SPAG16: variants seen among roughly 807,000 people sequenced by gnomAD.
The protein encoded by SPAG16 is sperm-associated antigen 16 protein.
SPAG16 carries 86 observed loss-of-function variants against 80.4 expected under a neutral mutation model. The observed-to-expected ratio is 1.07, with a 90% CI of 0.90 to 1.28. SPAG16 has a LOEUF of 1.28. Among genes scored for constraint, SPAG16 ranks in the 50% most tolerant of loss-of-function variants. SPAG16 has a pLI of 0.00. For missense variants in SPAG16, 870 were observed against 765.3 expected (o/e 1.14, Z -1.61); for synonymous variants, 294 against 265.9 (o/e 1.11, Z -1.03).
chr2:213,889,629 A>G (rs192119597), intron 11 of SPAG16, among the ~76,000 whole-genome samples: 128 of 150,190 alleles, frequency 8.5e-4, no homozygotes, highest in Middle Eastern at 7.0e-3. Context: ...ATATATATAC[A>G]TATACATATA....
intron 11 of SPAG16, among the ~76,000 whole-genome samples, chr2:213,872,842 A>G (rs941645234): frequency 2.6e-5 from 4 of 152,044 alleles, no homozygotes; most frequent in African/African-American, 7.2e-5. Flanking sequence ...TGAAATGATC[A>G]TTTGGTTTTT....
intron 13 of SPAG16, among the ~76,000 whole-genome samples, chr2:214,100,379 A>C (rs2052924573): frequency 6.6e-6 from 1 of 151,936 alleles, no homozygotes; most frequent in East Asian, 1.9e-4. Context: ...CATTTAATTT[A>C]TTTCATTTGT....
At chr2:213,651,724 C>T (rs1281540282) in intron 10 of SPAG16, among the ~76,000 whole-genome samples, 1 of 152,090 alleles carries the variant, frequency 6.6e-6, no homozygotes, top group East Asian at 1.9e-4. Context: ...TTAGTCTAGG[C>T]AAGTCTACAC....
intron 13 of SPAG16, among the ~76,000 whole-genome samples, chr2:214,087,565 T>G (rs1165904180): frequency 1.3e-5 from 2 of 151,560 alleles, no homozygotes; most frequent in Non-Finnish European, 2.9e-5. Flanking sequence ...AAGGAAAGAG[T>G]GGAGGTGGGA....
At chr2:213,507,165 AG>A (rs1238658399) in intron 10 of SPAG16, among the ~76,000 whole-genome samples, 2 of 152,314 alleles carry the variant, frequency 1.3e-5, no homozygotes, top group East Asian at 3.9e-4. Context: ...TGATAATGAA[AG>A]GAGAGGGTTG....
At chr2:213,818,145 C>T (rs2072681339) in intron 10 of SPAG16, among the ~76,000 whole-genome samples, 1 of 152,112 alleles carries the variant, frequency 6.6e-6, no homozygotes, top group Admixed American at 6.6e-5. Context: ...AGATCCCCTC[C>T]ATAGGAATCT....
At chr2:213,764,867 C>A (rs1308541610) in intron 10 of SPAG16, among the ~76,000 whole-genome samples, 1 of 152,080 alleles carries the variant, frequency 6.6e-6, no homozygotes, top group Non-Finnish European at 1.5e-5. Context: ...CACTTTGTTT[C>A]TCAAAGAATG....
chr2:213,807,339 T>C (rs1246543961), intron 10 of SPAG16, among the ~76,000 whole-genome samples: 1 of 152,082 alleles, frequency 6.6e-6, no homozygotes, highest in Non-Finnish European at 1.5e-5. Flanking sequence ...TGTTTTCTTT[T>C]TTTTTTCCCC....
intron 13 of SPAG16, among the ~76,000 whole-genome samples, chr2:214,079,225 C>T (rs1305415777): frequency 6.6e-6 from 1 of 151,844 alleles, no homozygotes; most frequent in African/African-American, 2.4e-5. Flanking sequence ...CCCACCTCAC[C>T]ATCAGAAGGC....
At chr2:213,752,659 C>T (rs2253644) in intron 10 of SPAG16, among the ~76,000 whole-genome samples, 133,208 of 152,056 alleles carry the variant, frequency 0.88, 60,563 homozygotes, top group East Asian at 1. Flanking sequence ...GTATTTGCTG[C>T]CTTCTTACTC....
intron 15 of SPAG16, among the ~76,000 whole-genome samples, chr2:214,262,563 C>T (rs1254145253): frequency 6.6e-6 from 1 of 151,906 alleles, no homozygotes; most frequent in Non-Finnish European, 1.5e-5. Context: ...TCAAAGTTTT[C>T]TCAGGATGAT....
intron 10 of SPAG16, among the ~76,000 whole-genome samples, chr2:213,732,634 T>C (rs1048278741): frequency 6.6e-6 from 1 of 152,212 alleles, no homozygotes. Flanking sequence ...GGGGATAGCA[T>C]TGAATGAATC....
At chr2:214,152,253 C>T (rs187744916) in intron 15 of SPAG16, among the ~76,000 whole-genome samples, 4 of 151,888 alleles carry the variant, frequency 2.6e-5, no homozygotes, top group African/African-American at 9.7e-5. Flanking sequence ...TAAATAGTAC[C>T]TTATCTGTCT....
chr2:213,426,641 T>C (rs1209344004), intron 9 of SPAG16, among the ~76,000 whole-genome samples: 2 of 152,028 alleles, frequency 1.3e-5, no homozygotes, highest in Non-Finnish European at 2.9e-5. Flanking sequence ...TTTTTGCTTC[T>C]CTGGCTAGAA....
At chr2:214,320,321 G>A (rs1434432387) in intron 15 of SPAG16, among the ~76,000 whole-genome samples, 2 of 152,074 alleles carry the variant, frequency 1.3e-5, no homozygotes, top group Admixed American at 6.5e-5. Flanking sequence ...AGAACTTCTT[G>A]TACTCCTACA....
chr2:213,654,242 C>G (rs2063129841), intron 10 of SPAG16, among the ~76,000 whole-genome samples: 2 of 152,124 alleles, frequency 1.3e-5, no homozygotes, highest in South Asian at 4.1e-4. Context: ...TATGTCAATA[C>G]AAAGGGTTCT....
At chr2:213,513,946 G>C (rs1056987134) in intron 10 of SPAG16, among the ~76,000 whole-genome samples, 4 of 152,086 alleles carry the variant, frequency 2.6e-5, no homozygotes, top group Admixed American at 2.6e-4. Context: ...TATAGCTTTG[G>C]TCAGAAAGTA....
intron 12 of SPAG16, among the ~76,000 whole-genome samples, chr2:213,937,063 G>A (rs2106273025): frequency 6.6e-6 from 1 of 152,014 alleles, no homozygotes; most frequent in Non-Finnish European, 1.5e-5. Flanking sequence ...GCATGAAAGT[G>A]GACTCTAAAA....
At chr2:214,315,878 G>T (rs1268185549) in intron 15 of SPAG16, among the ~76,000 whole-genome samples, 3 of 152,116 alleles carry the variant, frequency 2.0e-5, no homozygotes, top group African/African-American at 7.2e-5. Flanking sequence ...TCCCTGATTG[G>T]TTTGGGGTGT....
Sources: allele counts gnomAD v4.1 joint callset (sites outside exome capture counted in the v4.1 genomes callset), GRCh38; gene constraint gnomAD v4.1.1; transcripts MANE v1.5; gene names NCBI Gene and HGNC (gene_info 2026-07-23, HGNC 2026-07-21).